Variants in ELOVL4 observed in about 807,000 individuals in gnomAD.
ELOVL4 encodes ELOVL fatty acid elongase 4.
Under a neutral mutation model 42.1 loss-of-function variants are expected in ELOVL4, and 18 were observed. The observed-to-expected ratio is 0.43, with a 90% CI of 0.30 to 0.63. The LOEUF is 0.63. ELOVL4 is among the 30% of genes least tolerant of loss of function. The probability of loss-of-function intolerance (pLI) is 0.15; values close to 1 mark genes in which losing one functional copy is unlikely to be tolerated. For synonymous variants in ELOVL4, 117 were observed against 127.0 expected, an observed-to-expected ratio of 0.92 and a Z score of 0.53; for missense variants, 299 against 376.2, an observed-to-expected ratio of 0.79 and a Z score of 1.70.
intron 1 of ELOVL4, among the ~76,000 whole-genome samples, chr6:79,933,722 G>A (rs546460315): frequency 8.1e-4 from 124 of 152,248 alleles, no homozygotes; most frequent in African/African-American, 2.6e-3. Flanking sequence ...AAATCTCTGC[G>A]GGTGGGACTG....
Position 79,916,492 on chromosome 6 carries a change from G to C in ELOVL4, c.*116C>G. The C allele has an allele frequency of 8.8e-7, 1 of 1,141,602 alleles. No homozygotes were observed. Among genetic ancestry groups the C allele is most frequent in the Non-Finnish European group, 1.3e-6 (1 of 762,698 alleles). 70.7% of individuals were successfully genotyped at this position (1,141,602 alleles called of 1,614,324 possible). ...AGTCTAAGAGTTACTAGGACATAGA[G>C]CACATTTGTCTTTTCTCCCCACCCC... On this transcript the variant is annotated 3_prime_UTR_variant, in exon 6 of 6. Coordinates refer to ENST00000369816, the MANE Select transcript of ELOVL4 (RefSeq NM_022726.4).
intron 4 of ELOVL4, 101 bp downstream of exon 4, chr6:79,921,524 A>T: frequency 1.1e-6 from 1 of 893,602 alleles, no homozygotes; most frequent in Non-Finnish European, 1.8e-6. Context: ...CATGAAAGCA[A>T]GTTAAATGGT....
intron 4 of ELOVL4, 66 bp from the exon 5 acceptor site, chr6:79,919,613 G>A (rs1774218494): frequency 2.8e-6 from 4 of 1,403,516 alleles, no homozygotes; most frequent in South Asian, 1.2e-5. Flanking sequence ...CCACTGAGAT[G>A]TACAATAAAT....
chr6:79,926,047 A>T, intron 2 of ELOVL4, 147 bp downstream of exon 2: 1 of 760,608 alleles, frequency 1.3e-6, no homozygotes, highest in Non-Finnish European at 2.1e-6. Flanking sequence ...TATTTTTGTT[A>T]TTCAAAAGTG....
At chr6:79,939,500 CTACTT>C (rs1774605447) in intron 1 of ELOVL4, among the ~76,000 whole-genome samples, 1 of 137,570 alleles carries the variant, frequency 7.3e-6, no homozygotes, top group African/African-American at 2.9e-5. Flanking sequence ...ATTAATTTGA[CTACTT>C]TATTTATTTA....
chr6:79,947,487 T>C lies in ELOVL4; in HGVS notation c.-208A>G. 1 of 569,098 alleles carries C rather than the reference T, an allele frequency of 1.8e-6. No homozygotes were observed. The highest frequency in any genetic ancestry group is 3.2e-5 in the East Asian group (1 of 31,596). 35.3% of individuals were successfully genotyped at this position (569,098 alleles called of 1,614,324 possible). On this transcript the variant is annotated 5_prime_UTR_variant, in exon 1 of 6. Coordinates refer to ENST00000369816, the MANE Select transcript of ELOVL4 (RefSeq NM_022726.4). ...GGCCAAGCGGAAGGCGTCGTCAAGGTTCCCGGGAGAAAGACGAGGAGGTGG... is the reference window on the plus strand; with the variant it reads ...GGCCAAGCGGAAGGCGTCGTCAAGGCTCCCGGGAGAAAGACGAGGAGGTGG...
intron 1 of ELOVL4, among the ~76,000 whole-genome samples, chr6:79,943,679 T>C (rs1774685273): frequency 6.6e-6 from 1 of 152,082 alleles, no homozygotes; most frequent in South Asian, 2.1e-4. Flanking sequence ...GCAAGATGCA[T>C]GAGGGCAGTG....
chr6:79,921,967 A>G (rs373287811), intron 3 of ELOVL4, among the ~76,000 whole-genome samples, 171 bp from the exon 4 acceptor site: 1 of 152,220 alleles, frequency 6.6e-6, no homozygotes, highest in Non-Finnish European at 1.5e-5. Context: ...TCCATGGGGA[A>G]AAATAGAAAA....
chr6:79,935,596 T>C (rs1774528467), intron 1 of ELOVL4, among the ~76,000 whole-genome samples: 2 of 152,166 alleles, frequency 1.3e-5, no homozygotes, highest in South Asian at 4.1e-4. Context: ...AGAGCCACTA[T>C]TTTCGCATGT....
At chr6:79,928,933 C>A (rs1244634321) in intron 1 of ELOVL4, among the ~76,000 whole-genome samples, 1 of 151,622 alleles carries the variant, frequency 6.6e-6, no homozygotes, top group Admixed American at 6.6e-5. Context: ...GTGTGGTGCA[C>A]TGTTGTTCTC....
Position 79,947,476 on chromosome 6 carries a change from C to T in ELOVL4, c.-197G>A. 3.3e-6 allele frequency: 2 copies of T among 605,756 alleles called. No individual in the cohort carries two copies. The highest frequency in any genetic ancestry group is 5.9e-6 in the Non-Finnish European group (2 of 340,872). 37.5% of individuals were successfully genotyped at this position (605,756 alleles called of 1,614,324 possible). On this transcript the variant is annotated 5_prime_UTR_variant, in exon 1 of 6. Transcript: ENST00000369816. Reference sequence around the variant, plus strand: ...GCAGAAGGCAGGGCCAAGCGGAAGGCGTCGTCAAGGTTCCCGGGAGAAAGA... The same window carrying T: ...GCAGAAGGCAGGGCCAAGCGGAAGGTGTCGTCAAGGTTCCCGGGAGAAAGA...
At chr6:79,926,818 T>TG in intron 1 of ELOVL4, among the ~76,000 whole-genome samples, 1 of 152,338 alleles carries the variant, frequency 6.6e-6, no homozygotes, top group East Asian at 1.9e-4. Flanking sequence ...GGCAAGAATG[T>TG]AACTGGAGAG....
At chr6:79,941,524 G>A (rs1774644457) in intron 1 of ELOVL4, among the ~76,000 whole-genome samples, 1 of 151,998 alleles carries the variant, frequency 6.6e-6, no homozygotes, top group African/African-American at 2.4e-5. Context: ...TTTAGTGAAC[G>A]GCAACTGAAT....
chr6:79,930,184 A>G (rs1691784281), intron 1 of ELOVL4, among the ~76,000 whole-genome samples: 1 of 152,214 alleles, frequency 6.6e-6, no homozygotes, highest in Non-Finnish European at 1.5e-5. Flanking sequence ...CTCCAGGGGA[A>G]AAAAGCAATG....
At chr6:79,927,279 C>T (rs1774360020) in intron 1 of ELOVL4, among the ~76,000 whole-genome samples, 1 of 151,896 alleles carries the variant, frequency 6.6e-6, no homozygotes, top group Non-Finnish European at 1.5e-5. Flanking sequence ...TTTTATATTT[C>T]TAAAAGCTAA....
At chr6:79,927,059 T>C (rs2127699542) in intron 1 of ELOVL4, among the ~76,000 whole-genome samples, 1 of 152,340 alleles carries the variant, frequency 6.6e-6, no homozygotes, top group East Asian at 1.9e-4. Flanking sequence ...ATAACTTACA[T>C]ATGTGTAACT....
At chr6:79,930,712 C>G (rs1440240096) in intron 1 of ELOVL4, among the ~76,000 whole-genome samples, 4 of 152,004 alleles carry the variant, frequency 2.6e-5, no homozygotes, top group Non-Finnish European at 5.9e-5. Flanking sequence ...AATACTAATG[C>G]TTCATGTATT....
chr6:79,938,641 A>C (rs147963222), intron 1 of ELOVL4, among the ~76,000 whole-genome samples: 1,689 of 152,284 alleles, frequency 0.011, 23 homozygotes, highest in Non-Finnish European at 0.013. Flanking sequence ...ATATATTCAC[A>C]TATTTGTGTA....
At chr6:79,926,144 T>C (rs1305437227) in intron 2 of ELOVL4, 50 bp downstream of exon 2, 17 of 1,511,680 alleles carry the variant, frequency 1.1e-5, no homozygotes, top group Admixed American at 1.7e-5. Context: ...TTCTCATTTT[T>C]AAATTTCCAA....
Sources: allele counts gnomAD v4.1 joint callset (sites outside exome capture counted in the v4.1 genomes callset), GRCh38; gene constraint gnomAD v4.1.1; transcripts MANE v1.5; gene names NCBI Gene and HGNC (gene_info 2026-07-23, HGNC 2026-07-21).